SYNE1: variants seen among roughly 807,000 people sequenced by gnomAD.
SYNE1 encodes the protein spectrin repeat containing nuclear envelope protein 1.
SYNE1 carries 616 observed loss-of-function variants against 1,111.0 expected under a neutral mutation model. That is an observed-to-expected ratio of 0.55 (90% CI 0.52 to 0.59). The LOEUF (loss-of-function observed/expected upper bound fraction) is 0.59. Among genes scored for constraint, SYNE1 ranks in the 20% least tolerant of loss-of-function variants. SYNE1 has a pLI of 0.00. For missense variants in SYNE1, 10,006 were observed against 10,417.0 expected, an observed-to-expected ratio of 0.96 and a Z score of 1.72; for synonymous variants, 3,855 against 3,825.8, an observed-to-expected ratio of 1.01 and a Z score of -0.28.
rs375175316 is a variant in SYNE1, at chr6:152,309,824, C to T, written c.17202+11G>A. On this transcript the variant is annotated intron_variant, in intron 90 of 145. Coordinates refer to ENST00000367255, the MANE Select transcript of SYNE1 (RefSeq NM_182961.4). ...GCAATTGCTCTACTGGTGTGGGTAC[C>T]CTGCACCTGCCTGCATGATGTTACA... The T allele has an allele frequency of 5.8e-5, 94 of 1,613,222 alleles. No homozygotes were observed. The highest frequency in any genetic ancestry group is 7.7e-5 in the Non-Finnish European group (91 of 1,180,020).
At chr6:152,525,021 T>G (rs1345568521) in intron 5 of SYNE1, among the ~76,000 whole-genome samples, 1 of 152,140 alleles carries the variant, frequency 6.6e-6, no homozygotes, top group African/African-American at 2.4e-5. Flanking sequence ...CTACGAGTGC[T>G]TGAAGAAAGA....
At position 152,433,847 on chromosome 6, in the gene SYNE1, T is replaced by C; in HGVS notation, c.4409A>G (p.Asn1470Ser). The change falls in exon 34 of 146, where the codon AAT becomes AGT. Residue 1470 changes from asparagine to serine, a missense_variant. Around this residue, in one of 7 missense-constraint regions of SYNE1, gnomAD observed 1,971 missense variants for 2,084.1 expected, o/e 0.95. Transcript: ENST00000367255. ...GGCAGATGACGAAGTTTCCAAGGCA[T>C]TGAGTTCTTTTTCTTTCTCAGTTAT... ...VWITEKEKEL[N>S]ALETSSSAMD... 1 of 1,613,886 alleles carries C rather than the reference T, an allele frequency of 6.2e-7. No homozygotes were observed. Among genetic ancestry groups the C allele is most frequent in the African/African-American group, 1.3e-5 (1 of 75,034 alleles).
chr6:152,608,953 A>ATAAAAAAAT lies in SYNE1; in HGVS notation c.67+19311_67+19312insATTTTTTTA, dbSNP rs57993152. Among the ~76,000 whole-genome samples the ATAAAAAAAT allele has an allele frequency of 4.6e-5, 7 of 151,908 alleles. No homozygotes were observed. In the East Asian group the frequency reaches 1.4e-3, roughly 30 times the overall value. ...TGGCAAAAAATAAAAAAATAAAAAA[A>ATAAAAAAAT]AATCAGAGTTAGACAAGCTGATTTT... On this transcript the variant is annotated intron_variant, in intron 3 of 145. Coordinates refer to ENST00000367255, the MANE Select transcript of SYNE1 (RefSeq NM_182961.4).
intron 101 of SYNE1, 103 bp from the exon 102 acceptor site, chr6:152,256,868 A>G: frequency 6.5e-7 from 1 of 1,549,270 alleles, no homozygotes; most frequent in Non-Finnish European, 8.8e-7. Flanking sequence ...CACTGTCCAT[A>G]TGAAAATTTC....
In SYNE1 at chr6:152,304,657, G is replaced by A. The variant is rs146711319; in HGVS notation, c.17347-2594C>T. ...AATCTTTATGAAGTAGACAGAGTTA[G>A]TATTAGGCCTTCCACCCTTTGTAAT... On this transcript the variant is annotated intron_variant, in intron 91 of 145. Coordinates refer to ENST00000367255, the MANE Select transcript of SYNE1 (RefSeq NM_182961.4). Among the ~76,000 whole-genome samples the A allele has an allele frequency of 3.3e-5, 5 of 152,304 alleles. No homozygotes were observed. The East Asian group carries it at 9.6e-4, about 29-fold the overall frequency.
chr6:152,305,369 G>C (rs1432761197), intron 91 of SYNE1, among the ~76,000 whole-genome samples: 1 of 152,030 alleles, frequency 6.6e-6, no homozygotes, highest in Non-Finnish European at 1.5e-5. Context: ...AGGTTCAAGC[G>C]ATTCTCCTGT....
At chr6:152,262,468 T>C (rs749817661) in intron 100 of SYNE1, among the ~76,000 whole-genome samples, 5 of 152,232 alleles carry the variant, frequency 3.3e-5, no homozygotes, top group Non-Finnish European at 5.9e-5. Flanking sequence ...GATTACAGAC[T>C]AGTATCCTTT....
chr6:152,180,512 G>T (rs1278881728), intron 128 of SYNE1, among the ~76,000 whole-genome samples: 9 of 152,094 alleles, frequency 5.9e-5, no homozygotes, highest in Non-Finnish European at 1.0e-4. Context: ...CTTATTAAAG[G>T]TTCTGGATAA....
intron 100 of SYNE1, among the ~76,000 whole-genome samples, chr6:152,266,014 A>G (rs887458908): frequency 6.6e-6 from 1 of 152,018 alleles, no homozygotes; most frequent in African/African-American, 2.4e-5. Flanking sequence ...TTCATGGTTA[A>G]TTGTTTGCCT....
At chr6:152,395,442 C>G in intron 51 of SYNE1, 74 bp downstream of exon 51, 2 of 1,536,782 alleles carry the variant, frequency 1.3e-6, no homozygotes, top group Non-Finnish European at 1.8e-6. Flanking sequence ...CCAATCAAAA[C>G]CAAACCAACC....
intron 80 of SYNE1, 121 bp from the exon 81 acceptor site, chr6:152,325,423 G>A (rs751256870): frequency 1.4e-5 from 13 of 910,876 alleles, no homozygotes; most frequent in South Asian, 1.3e-4. Context: ...TTCTACATAC[G>A]TTTATTCTCC....
intron 72 of SYNE1, among the ~76,000 whole-genome samples, chr6:152,348,973 T>A (rs551784175): frequency 6.6e-6 from 1 of 152,194 alleles, no homozygotes; most frequent in Non-Finnish European, 1.5e-5. Flanking sequence ...ATTCATGGGG[T>A]AGACTACCTT....
Position 152,624,726 on chromosome 6 carries a change from C to T in SYNE1, c.67+3539G>A, listed in dbSNP as rs115596766. ...GACTGCTCATTCATAATTCAGTATC[C>T]CAGCCTAAAACATTATGCTCAAACA... On this transcript the variant is annotated intron_variant, in intron 3 of 145. Coordinates refer to ENST00000367255, the MANE Select transcript of SYNE1 (RefSeq NM_182961.4). Among the ~76,000 whole-genome samples, 548 of 152,228 alleles carry T rather than the reference C, an allele frequency of 3.6e-3. 4 individuals carry two copies. Among genetic ancestry groups the T allele is most frequent in the African/African-American group, 0.013 (526 of 41,526 alleles).
chr6:152,219,841 A>G lies in SYNE1; in HGVS notation c.21862-656T>C, dbSNP rs148286375. Reference sequence around the variant, plus strand: ...TCCTACAGGTTAAAAAATATAAGCCAATGGAAACTCCCTGTTTCTGCTTTC... The same window carrying G: ...TCCTACAGGTTAAAAAATATAAGCCGATGGAAACTCCCTGTTTCTGCTTTC... On this transcript the variant is annotated intron_variant, in intron 119 of 145. Coordinates refer to ENST00000367255, the MANE Select transcript of SYNE1 (RefSeq NM_182961.4). 4.9e-3 allele frequency among the ~76,000 whole-genome samples: 749 copies of G among 152,254 alleles called. 4 individuals are homozygous for G. Among genetic ancestry groups the G allele is most frequent in the Non-Finnish European group, 6.8e-3 (464 of 68,026 alleles).
intron 121 of SYNE1, 139 bp from the exon 122 acceptor site, chr6:152,215,199 T>TA (rs758879183): frequency 3.2e-6 from 3 of 927,524 alleles, no homozygotes; most frequent in Non-Finnish European, 5.0e-6. Flanking sequence ...GCCACTTACT[T>TA]ACAATCTCTA....
At chr6:152,211,032 G>C (rs1429801251) in intron 124 of SYNE1, among the ~76,000 whole-genome samples, 1 of 152,172 alleles carries the variant, frequency 6.6e-6, no homozygotes, top group Non-Finnish European at 1.5e-5. Context: ...CTGCTACTTA[G>C]TTCTGTGACC....
chr6:152,226,494 A>G (rs1191949166), intron 115 of SYNE1, among the ~76,000 whole-genome samples: 1 of 152,204 alleles, frequency 6.6e-6, no homozygotes, highest in African/African-American at 2.4e-5. Context: ...GGCTTCTTTG[A>G]TGAATCAAAT....
At position 152,278,693 on chromosome 6, in the gene SYNE1, C is replaced by T. The variant is rs554237117; in HGVS notation, c.18382-413G>A. Among the ~76,000 whole-genome samples the T allele has an allele frequency of 1.8e-4, 27 of 152,214 alleles. No homozygotes were observed. In the South Asian group the frequency reaches 5.6e-3, roughly 32 times the overall value. ...AGCTAGGATGGTCTAGATCTCCTGA[C>T]CTCATGATCCGCCCACCTCGGCCTC... On this transcript the variant is annotated intron_variant, in intron 97 of 145. Coordinates refer to ENST00000367255, the MANE Select transcript of SYNE1 (RefSeq NM_182961.4).
At chr6:152,308,038 G>T (rs1173280271) in intron 91 of SYNE1, among the ~76,000 whole-genome samples, 1 of 152,074 alleles carries the variant, frequency 6.6e-6, no homozygotes, top group African/African-American at 2.4e-5. Context: ...TCACCATGTT[G>T]TCCAGGATGG....
Sources: gnomAD v4.1 joint callset for allele counts (sites outside exome capture counted in the v4.1 genomes callset) on GRCh38, gnomAD v4.1.1 for gene constraint, gnomAD v4.1.1 regional missense constraint, MANE v1.5 for transcripts, NCBI Gene and HGNC (gene_info 2026-07-23, HGNC 2026-07-21) for gene names.